Variants in CTBP2 observed in about 807,000 individuals in gnomAD.
CTBP2 encodes C-terminal-binding protein 2.
In CTBP2, 30 loss-of-function variants were observed where a neutral mutation model predicts 80.3. The observed-to-expected ratio is 0.37, with a 90% CI of 0.28 to 0.51. The LOEUF (loss-of-function observed/expected upper bound fraction) is 0.51, where lower values mean the gene tolerates loss of function less well. Ranked by LOEUF, CTBP2 falls within the 20% of genes least tolerant of loss-of-function variation. The pLI is 0.93. For missense variants in CTBP2, 1,212 were observed against 1,375.3 expected (o/e 0.88, Z 1.88); for synonymous variants, 594 against 587.4 (o/e 1.01, Z -0.16).
At chr10:125,059,270 C>A (rs751056354) in intron 2 of CTBP2, among the ~76,000 whole-genome samples, 3 of 152,118 alleles carry the variant, frequency 2.0e-5, no homozygotes, top group Non-Finnish European at 2.9e-5. Flanking sequence ...GTAAGACATA[C>A]GCAATTTCAC....
At chr10:125,094,211 C>T (rs1013272239) in intron 2 of CTBP2, among the ~76,000 whole-genome samples, 8 of 152,136 alleles carry the variant, frequency 5.3e-5, no homozygotes, top group African/African-American at 1.9e-4. Context: ...GATGCTTTGT[C>T]CTGATTTCAG....
chr10:124,993,344 A>T lies in CTBP2; in HGVS notation c.2532-15T>A. The T allele has an allele frequency of 6.2e-7, 1 of 1,604,510 alleles. No homozygotes were observed. Among genetic ancestry groups the T allele is most frequent in the Non-Finnish European group, 8.5e-7 (1 of 1,172,238 alleles). On this transcript the variant is annotated splice_polypyrimidine_tract_variant and intron_variant, in intron 6 of 8. Transcript: ENST00000309035. ...CCTGAGCAAAGCTAGAAAAATGTAG[A>T]AAAAACAGAGTAAGCGGGAAATGTC...
rs115598880 is a variant in CTBP2, at chr10:125,003,959, G to T, written c.1679-467C>A. 4.1e-3 allele frequency among the ~76,000 whole-genome samples: 629 copies of T among 152,358 alleles called. 9 individuals carry two copies. Among genetic ancestry groups the T allele is most frequent in the African/African-American group, 0.015 (613 of 41,588 alleles). On this transcript the variant is annotated intron_variant, in intron 1 of 8. Transcript: ENST00000309035. Reference sequence around the variant, plus strand: ...CTCCAGCCCCTCTCACCTGCGCTGGGTGAGGAGAAATGGCGGGTCTGGGGC... The same window carrying T: ...CTCCAGCCCCTCTCACCTGCGCTGGTTGAGGAGAAATGGCGGGTCTGGGGC...
chr10:125,029,679 A>ATG (rs1957988123), upstream of CTBP2, among the ~76,000 whole-genome samples: 1 of 152,182 alleles, frequency 6.6e-6, no homozygotes, highest in Non-Finnish European at 1.5e-5. Context: ...ACACCCCTCA[A>ATG]AGATGGGTGG....
intron 1 of CTBP2, among the ~76,000 whole-genome samples, chr10:125,018,160 C>T (rs906027173): frequency 2.0e-5 from 3 of 152,170 alleles, no homozygotes; most frequent in Non-Finnish European, 4.4e-5. Flanking sequence ...GGGTGAACCT[C>T]TCTGAGTCTG....
intron 2 of CTBP2, among the ~76,000 whole-genome samples, chr10:125,102,102 A>C (rs186052533): frequency 2.6e-5 from 4 of 152,124 alleles, no homozygotes; most frequent in Non-Finnish European, 5.9e-5. Flanking sequence ...TTGAATCCCC[A>C]CAACTCTGAG....
intron 2 of CTBP2, among the ~76,000 whole-genome samples, chr10:125,082,491 T>G (rs994812447): frequency 4.6e-5 from 7 of 152,112 alleles, no homozygotes; most frequent in Non-Finnish European, 1.5e-5. Context: ...GCCTCAGGTA[T>G]CATTTCCAGC....
intron 1 of CTBP2, among the ~76,000 whole-genome samples, chr10:125,149,752 C>T (rs202199719): frequency 1.3e-5 from 2 of 152,244 alleles, no homozygotes; most frequent in East Asian, 3.8e-4. Flanking sequence ...GGACCTTACC[C>T]TCTATGGAAA....
At chr10:125,145,721 TA>T (rs954778184) in intron 1 of CTBP2, among the ~76,000 whole-genome samples, 15 of 152,086 alleles carry the variant, frequency 9.9e-5, no homozygotes, top group Admixed American at 8.5e-4. Flanking sequence ...TCCCTAATAA[TA>T]ATAATGGTAA....
intron 3 of CTBP2, among the ~76,000 whole-genome samples, chr10:125,037,284 A>G (rs1326319061): frequency 6.6e-6 from 1 of 152,236 alleles, no homozygotes; most frequent in Non-Finnish European, 1.5e-5. Context: ...AAACACACAG[A>G]GGAAACGCTG....
At chr10:125,150,505 G>T (rs986925359) in intron 1 of CTBP2, among the ~76,000 whole-genome samples, 1 of 152,106 alleles carries the variant, frequency 6.6e-6, no homozygotes, top group Non-Finnish European at 1.5e-5. Context: ...ACATTCCCGT[G>T]TCCCAGTCAA....
intron 2 of CTBP2, among the ~76,000 whole-genome samples, chr10:125,040,532 T>C (rs1303310538): frequency 6.7e-6 from 1 of 148,742 alleles, no homozygotes; most frequent in African/African-American, 2.5e-5. Flanking sequence ...TATTGTCTTC[T>C]GTATTTTTTT....
chr10:125,024,497 G>C lies in CTBP2; in HGVS notation c.1678+1585C>G, dbSNP rs147661805. On this transcript the variant is annotated intron_variant, in intron 1 of 8. Transcript: ENST00000309035. ...TACCCAAATAATGGCGAATGTTTTTGTTAAAAGGCAAGTCTAAAATAAACA... is the reference window on the plus strand; with the variant it reads ...TACCCAAATAATGGCGAATGTTTTTCTTAAAAGGCAAGTCTAAAATAAACA... Among the ~76,000 whole-genome samples, 506 of 152,306 alleles carry C rather than the reference G, an allele frequency of 3.3e-3. 2 individuals are homozygous for C. The highest frequency in any genetic ancestry group is 5.9e-3 in the Non-Finnish European group (402 of 68,018).
At chr10:124,993,131 G>A in intron 7 of CTBP2, 71 bp downstream of exon 9, 2 of 1,528,468 alleles carry the variant, frequency 1.3e-6, no homozygotes, top group African/African-American at 1.4e-5. Flanking sequence ...CCTGTAGCCA[G>A]CAGGACAGGA....
chr10:125,162,090 G>C (rs1384871103), upstream of CTBP2, among the ~76,000 whole-genome samples: 1 of 152,246 alleles, frequency 6.6e-6, no homozygotes, highest in Non-Finnish European at 1.5e-5. Context: ...CCCTGAGTTC[G>C]GCGTGCGTCC....
chr10:125,008,910 T>TC (rs1955553825), intron 1 of CTBP2, among the ~76,000 whole-genome samples: 1 of 152,256 alleles, frequency 6.6e-6, no homozygotes, highest in African/African-American at 2.4e-5. Context: ...AGCCTGTTCC[T>TC]CTTCCTTATT....
At chr10:125,127,968 A>G (rs1351409419) in intron 1 of CTBP2, among the ~76,000 whole-genome samples, 1 of 152,242 alleles carries the variant, frequency 6.6e-6, no homozygotes, top group Non-Finnish European at 1.5e-5. Context: ...ATATAAATAC[A>G]TAAAATGGAA....
At chr10:125,058,287 A>G (rs777432333) in intron 2 of CTBP2, among the ~76,000 whole-genome samples, 2 of 152,080 alleles carry the variant, frequency 1.3e-5, no homozygotes, top group Non-Finnish European at 2.9e-5. Context: ...AAAGATGTTA[A>G]AAGTTCTTCA....
intron 1 of CTBP2, among the ~76,000 whole-genome samples, chr10:125,117,072 A>G (rs74163342): frequency 0.098 from 14,991 of 152,208 alleles, 1,006 homozygotes; most frequent in African/African-American, 0.18. Flanking sequence ...CCCTCAGTGC[A>G]GTCTCTGGCC....
Sources: gnomAD v4.1 joint callset for allele counts (sites outside exome capture counted in the v4.1 genomes callset) on GRCh38, gnomAD v4.1.1 for gene constraint, MANE v1.5 for transcripts, NCBI Gene and HGNC (gene_info 2026-07-23, HGNC 2026-07-21) for gene names.